RC3H2: variants seen among roughly 807,000 people sequenced by gnomAD.
RC3H2 encodes ring finger and CCCH-type domains 2, also known as roquin-2.
A neutral mutation model predicts 133.3 loss-of-function variants in RC3H2; 31 were observed. The observed-to-expected ratio is 0.23, with a 90% CI of 0.17 to 0.31. The LOEUF (loss-of-function observed/expected upper bound fraction) is 0.31, where lower values mean the gene tolerates loss of function less well. Ranked by LOEUF, RC3H2 falls within the 10% of genes least tolerant of loss-of-function variation. The pLI, the probability that RC3H2 is intolerant of heterozygous loss-of-function variation, is 1.00. For synonymous variants in RC3H2, 517 were observed against 502.2 expected (o/e 1.03, Z -0.40); for missense variants, 1,175 against 1,437.2 (o/e 0.82, Z 2.95).
In RC3H2 at chr9:122,890,559, G is replaced by C. The variant is rs747305533; in HGVS notation, c.350-14C>G. On this transcript the variant is annotated splice_polypyrimidine_tract_variant and intron_variant, in intron 3 of 20. Transcript: ENST00000357244. ...AGCTAGCTACACCTTTAGGAAAAGG[G>C]AAACAAAGGGAGCTAAAGTTTTTTC... is the stretch of plus-strand genomic sequence containing the variant. 55 of 1,566,868 alleles carry C rather than the reference G, an allele frequency of 3.5e-5. 2 individuals are homozygous for C. In the South Asian group the frequency reaches 6.3e-4, roughly 18 times the overall value.
intron 5 of RC3H2, 131 bp downstream of exon 5, chr9:122,883,073 C>A: frequency 1.3e-6 from 1 of 796,900 alleles, no homozygotes. Context: ...GCAATCAATG[C>A]AGAAGGAAAG....
intron 16 of RC3H2, 38 bp from the exon 17 acceptor site, chr9:122,854,304 G>A (rs778056932): frequency 3.9e-6 from 6 of 1,527,066 alleles, no homozygotes; most frequent in African/African-American, 1.4e-5. Flanking sequence ...TAAAAGTGAA[G>A]TGAATGAAGC....
intron 1 of RC3H2, among the ~76,000 whole-genome samples, chr9:122,899,624 T>C (rs1449554494): frequency 1.3e-5 from 2 of 152,236 alleles, no homozygotes; most frequent in Non-Finnish European, 2.9e-5. Context: ...ATTAGTTTCC[T>C]TCCAACTTTA....
chr9:122,898,142 TATAAG>T (rs1383870457), intron 1 of RC3H2: 3 of 152,266 alleles, frequency 2.0e-5, no homozygotes, highest in African/African-American at 7.2e-5. Flanking sequence ...AAAATCAACA[TATAAG>T]AGAAGACTGT....
chr9:122,887,997 G>A (rs530457299), intron 4 of RC3H2, among the ~76,000 whole-genome samples: 7 of 151,918 alleles, frequency 4.6e-5, no homozygotes, highest in East Asian at 1.9e-4. Context: ...CACCCGCCTC[G>A]GCCTCCCAAA....
chr9:122,855,988 TTATAC>T, intron 13 of RC3H2, 110 bp from the exon 14 acceptor site: 1 of 772,406 alleles, frequency 1.3e-6, no homozygotes. Flanking sequence ...TAGCAAACAA[TTATAC>T]TTTTTCAATA....
intron 4 of RC3H2, among the ~76,000 whole-genome samples, chr9:122,883,933 T>C (rs1237709694): frequency 1.3e-5 from 2 of 152,124 alleles, no homozygotes; most frequent in African/African-American, 4.8e-5. Flanking sequence ...GTTGAAGCTG[T>C]AGTGAGCTGT....
At chr9:122,853,843 A>T in intron 18 of RC3H2, 109 bp downstream of exon 18, 1 of 1,590,814 alleles carries the variant, frequency 6.3e-7, no homozygotes, top group Non-Finnish European at 8.6e-7. Flanking sequence ...GCAATCAATC[A>T]TCCATCAGAG....
chr9:122,854,559 C>A lies in RC3H2; in HGVS notation c.2872G>T (p.Ala958Ser). ...TCAACATAGTGTGCTGATGATGTGG[C>A]CTCGTTGCCATATGAACTCCACCTT... ...DSRWSSYGNE[A>S]TSSAHYVERD... The change falls in exon 16 of 21, where the codon GCC becomes TCC. Residue 958 changes from alanine to serine, a missense_variant. Around this residue, in one of 8 missense-constraint regions of RC3H2, gnomAD observed 138 missense variants for 215.0 expected, o/e 0.64. Transcript: ENST00000357244. 6.2e-7 allele frequency: 1 copy of A among 1,613,298 alleles called. No homozygotes were observed. Among genetic ancestry groups the A allele is most frequent in the South Asian group, 1.1e-5 (1 of 91,064 alleles).
chr9:122,885,181 CTTTAGT>C (rs1250141882), intron 4 of RC3H2, among the ~76,000 whole-genome samples: 3 of 151,900 alleles, frequency 2.0e-5, no homozygotes, highest in East Asian at 1.9e-4. Flanking sequence ...AAACTAAATA[CTTTAGT>C]TTTAAAGTAT....
chr9:122,872,546 CT>C (rs1472183142), intron 9 of RC3H2, among the ~76,000 whole-genome samples: 2 of 152,162 alleles, frequency 1.3e-5, no homozygotes, highest in Non-Finnish European at 2.9e-5. Context: ...TACTGTTCCT[CT>C]TTTTCCATTA....
chr9:122,891,224 T>C (rs555086579), intron 3 of RC3H2, among the ~76,000 whole-genome samples: 1 of 152,212 alleles, frequency 6.6e-6, no homozygotes, highest in South Asian at 2.1e-4. Flanking sequence ...GGTTTTACCA[T>C]GTTGGCCAGG....
At chr9:122,863,815 C>G (rs1224847516) in intron 10 of RC3H2, among the ~76,000 whole-genome samples, 9 of 152,140 alleles carry the variant, frequency 5.9e-5, no homozygotes, top group Non-Finnish European at 1.3e-4. Flanking sequence ...TGGCTCACTG[C>G]AACCTCCACC....
At chr9:122,874,896 G>A (rs1831265493) in intron 9 of RC3H2, 1 of 315,790 alleles carries the variant, frequency 3.2e-6, no homozygotes, top group Non-Finnish European at 5.8e-6. Flanking sequence ...TACTGCAGAT[G>A]AAGAATGTGA....
chr9:122,853,937 G>A lies in RC3H2; in HGVS notation c.3117+15C>T, dbSNP rs1469878510. On this transcript the variant is annotated intron_variant, in intron 18 of 20. Transcript: ENST00000357244. ...AATACATTAAGCATGAAGCCGAAAGGTTCAGTTTCTTTACCTCTCCATTTC... is the reference window on the plus strand; with the variant it reads ...AATACATTAAGCATGAAGCCGAAAGATTCAGTTTCTTTACCTCTCCATTTC... 1.2e-6 allele frequency: 2 copies of A among 1,614,170 alleles called. No individual in the cohort carries two copies. Among genetic ancestry groups the A allele is most frequent in the East Asian group, 2.2e-5 (1 of 44,884 alleles).
At chr9:122,860,711 G>A (rs1313271532) in intron 10 of RC3H2, among the ~76,000 whole-genome samples, 1 of 151,636 alleles carries the variant, frequency 6.6e-6, no homozygotes, top group Non-Finnish European at 1.5e-5. Flanking sequence ...ACCGTGCCTG[G>A]CCATTACTCA....
Position 122,848,935 on chromosome 9 carries a change from T to C in RC3H2, c.*692A>G, listed in dbSNP as rs962353306. 1 of 152,056 alleles carries C rather than the reference T, an allele frequency of 6.6e-6. No individual in the cohort carries two copies. Among genetic ancestry groups the C allele is most frequent in the Non-Finnish European group, 1.5e-5 (1 of 67,996 alleles). 9.4% of individuals were successfully genotyped at this position (152,056 alleles called of 1,614,324 possible). On this transcript the variant is annotated 3_prime_UTR_variant, in exon 21 of 21. Coordinates refer to ENST00000357244, the MANE Select transcript of RC3H2 (RefSeq NM_001100588.3). ...TAATTAATTACTTCAACAAGTAGCCTGTGTATAAATATTAACAAAGCAGAA... is the reference window on the plus strand; with the variant it reads ...TAATTAATTACTTCAACAAGTAGCCCGTGTATAAATATTAACAAAGCAGAA...
At chr9:122,894,500 G>A (rs1164624655) in intron 2 of RC3H2, among the ~76,000 whole-genome samples, 1 of 152,132 alleles carries the variant, frequency 6.6e-6, no homozygotes, top group East Asian at 1.9e-4. Context: ...AAGGGGGACT[G>A]GAAATACTAG....
chr9:122,880,265 A>C, intron 6 of RC3H2, 140 bp from the exon 7 acceptor site: 1 of 1,007,700 alleles, frequency 9.9e-7, no homozygotes, highest in East Asian at 2.4e-5. Context: ...GATGAATTAA[A>C]TTTTCACCTC....
Sources: allele counts gnomAD v4.1 joint callset (sites outside exome capture counted in the v4.1 genomes callset), GRCh38; gene constraint gnomAD v4.1.1; regional missense constraint gnomAD v4.1.1; transcripts MANE v1.5; gene names NCBI Gene and HGNC (gene_info 2026-07-23, HGNC 2026-07-21).